Variants in PLXNA4 observed in about 807,000 individuals in gnomAD.
The protein encoded by PLXNA4 is plexin-A4.
In PLXNA4, 44 loss-of-function variants were observed where a neutral mutation model predicts 191.8. That is an observed-to-expected ratio of 0.23 (90% confidence interval 0.18 to 0.29). The LOEUF is 0.29. PLXNA4 is among the 10% of genes least tolerant of loss of function. The probability of loss-of-function intolerance (pLI) is 1.00; values close to 1 mark genes in which losing one functional copy is unlikely to be tolerated. For synonymous variants in PLXNA4, 1,082 were observed against 1,009.5 expected (o/e 1.07, Z -1.36); for missense variants, 1,800 against 2,488.8 (o/e 0.72, Z 5.89).
chr7:132,474,600 C>T (rs980424589), intron 3 of PLXNA4, among the ~76,000 whole-genome samples: 1 of 151,662 alleles, frequency 6.6e-6, no homozygotes, highest in Non-Finnish European at 1.5e-5. Flanking sequence ...GAAGTTCTCC[C>T]AAAGAGATAT....
At chr7:132,342,460 C>T (rs1256926867) in intron 3 of PLXNA4, among the ~76,000 whole-genome samples, 1 of 151,954 alleles carries the variant, frequency 6.6e-6, no homozygotes, top group Non-Finnish European at 1.5e-5. Flanking sequence ...AAATATCACG[C>T]TGTAGACAAG....
At chr7:132,336,738 C>T in intron 3 of PLXNA4, among the ~76,000 whole-genome samples, 1 of 152,362 alleles carries the variant, frequency 6.6e-6, no homozygotes, top group Admixed American at 6.5e-5. Context: ...CTGCAAAGCT[C>T]TCTTCACCAA....
At chr7:132,570,764 T>C (rs1368396759) in intron 1 of PLXNA4, among the ~76,000 whole-genome samples, 1 of 152,226 alleles carries the variant, frequency 6.6e-6, no homozygotes, top group Non-Finnish European at 1.5e-5. Flanking sequence ...CTGTTTTGTG[T>C]TGGAGTGACA....
chr7:132,131,440 C>T (rs923433408), intron 31 of PLXNA4, among the ~76,000 whole-genome samples: 3 of 151,936 alleles, frequency 2.0e-5, no homozygotes, highest in African/African-American at 7.3e-5. Flanking sequence ...CAAGGCCTGC[C>T]CCCCGAGAGG....
exon 1 of PLXNA4, chr7:132,648,579 C>T (rs945859568): frequency 1.3e-5 from 2 of 152,212 alleles, no homozygotes; most frequent in African/African-American, 2.4e-5. Context: ...CTCAATCCAG[C>T]TCCAGAGGGG....
intron 30 of PLXNA4, among the ~76,000 whole-genome samples, chr7:132,139,102 C>A (rs1374928578): frequency 1.3e-5 from 2 of 152,188 alleles, no homozygotes; most frequent in Non-Finnish European, 2.9e-5. Context: ...GAGAGCCTGT[C>A]TAGGTGACTC....
intron 4 of PLXNA4, among the ~76,000 whole-genome samples, chr7:132,283,980 T>C (rs1013207130): frequency 6.6e-5 from 10 of 152,310 alleles, no homozygotes; most frequent in Non-Finnish European, 1.0e-4. Context: ...GAGCCCAGCG[T>C]GTACAACACA....
chr7:132,386,176 A>G (rs1185088706), intron 3 of PLXNA4, among the ~76,000 whole-genome samples: 1 of 152,176 alleles, frequency 6.6e-6, no homozygotes, highest in Non-Finnish European at 1.5e-5. Context: ...GAGGTGGGAA[A>G]TGGAAGAAAA....
intron 3 of PLXNA4, among the ~76,000 whole-genome samples, chr7:132,407,247 CT>C (rs1343740157): frequency 1.3e-5 from 2 of 152,324 alleles, no homozygotes; most frequent in African/African-American, 2.4e-5. Flanking sequence ...CACCCCACCC[CT>C]GGGACTCGGA....
At chr7:132,554,655 A>T (rs919587134) in intron 1 of PLXNA4, among the ~76,000 whole-genome samples, 2 of 152,202 alleles carry the variant, frequency 1.3e-5, no homozygotes, top group Admixed American at 6.5e-5. Context: ...GAGGGTTCTC[A>T]CTGGCTGGCT....
intron 1 of PLXNA4, among the ~76,000 whole-genome samples, chr7:132,520,022 A>G (rs1799109684): frequency 6.6e-6 from 1 of 152,216 alleles, no homozygotes; most frequent in Non-Finnish European, 1.5e-5. Flanking sequence ...AGTTTCCACA[A>G]ACAGCCTTTG....
chr7:132,579,742 G>A (rs1377612831), upstream of PLXNA4, among the ~76,000 whole-genome samples: 1 of 151,988 alleles, frequency 6.6e-6, no homozygotes, highest in Admixed American at 6.6e-5. Context: ...GTTGTTAATG[G>A]GGCCAGGGGC....
chr7:132,220,586 A>G (rs1404863168), intron 9 of PLXNA4, among the ~76,000 whole-genome samples: 3 of 152,050 alleles, frequency 2.0e-5, no homozygotes, highest in Non-Finnish European at 2.9e-5. Context: ...AGCTTAGTAC[A>G]TACAGCTCCA....
chr7:132,462,649 C>T (rs1045666289), intron 3 of PLXNA4, among the ~76,000 whole-genome samples: 1 of 151,862 alleles, frequency 6.6e-6, no homozygotes, highest in Non-Finnish European at 1.5e-5. Context: ...ACTATGTTGC[C>T]CAGGCTGGCC....
At chr7:132,187,175 C>A (rs962525200) in intron 15 of PLXNA4, among the ~76,000 whole-genome samples, 2 of 152,090 alleles carry the variant, frequency 1.3e-5, no homozygotes, top group African/African-American at 4.8e-5. Flanking sequence ...CACTCCCTAA[C>A]CCCCCGCCTG....
At chr7:132,287,725 G>C (rs1261476605) in intron 4 of PLXNA4, among the ~76,000 whole-genome samples, 2 of 152,160 alleles carry the variant, frequency 1.3e-5, no homozygotes, top group Non-Finnish European at 2.9e-5. Flanking sequence ...AAAAAACAGT[G>C]GGGGTGGTGG....
At chr7:132,378,260 G>A (rs747120401) in intron 3 of PLXNA4, among the ~76,000 whole-genome samples, 4 of 152,186 alleles carry the variant, frequency 2.6e-5, no homozygotes, top group Non-Finnish European at 5.9e-5. Flanking sequence ...TTCTCAAGTC[G>A]TGGAAATAGT....
chr7:132,167,038 G>GGGGGACAGGCA (rs1796143544), intron 22 of PLXNA4, among the ~76,000 whole-genome samples: 1 of 152,186 alleles, frequency 6.6e-6, no homozygotes, highest in African/African-American at 2.4e-5. Context: ...ATGGAAGTCT[G>GGGGGACAGGCA]GGGGACAGGC....
intron 4 of PLXNA4, among the ~76,000 whole-genome samples, chr7:132,279,464 A>C (rs1219170648): frequency 6.6e-6 from 1 of 152,014 alleles, no homozygotes; most frequent in East Asian, 1.9e-4. Flanking sequence ...CCCTATTTCT[A>C]CCAAAAATTT....
Sources: allele counts gnomAD v4.1 joint callset (sites outside exome capture counted in the v4.1 genomes callset), GRCh38; gene constraint gnomAD v4.1.1; transcripts MANE v1.5; gene names NCBI Gene and HGNC (gene_info 2026-07-23, HGNC 2026-07-21).